The following PHF24 variants were observed in gnomAD, a reference collection of about 807,000 sequenced individuals.
PHF24 encodes Galpha inhibitory interacting protein.
In PHF24, 25 loss-of-function variants were observed where a neutral mutation model predicts 42.6. The ratio of observed to expected loss-of-function variants is 0.59; its 90% CI spans 0.43 to 0.82. PHF24 has a LOEUF of 0.82. Among genes scored for constraint, PHF24 ranks in the 40% least tolerant of loss-of-function variants. The pLI, the probability that PHF24 is intolerant of heterozygous loss-of-function variation, is 0.00. For missense variants in PHF24, 470 were observed against 538.1 expected (o/e 0.87, Z 1.25); for synonymous variants, 185 against 204.8 (o/e 0.90, Z 0.83).
At chr9:34,733,205 C>T in the PHF24 span, among the ~76,000 whole-genome samples, 10 of 152,180 alleles carry the variant, frequency 6.6e-5, 1 homozygote, top group East Asian at 7.7e-4. Flanking sequence ...TGATCTTTGT[C>T]GATATGAGAA....
the PHF24 span, among the ~76,000 whole-genome samples, chr9:34,669,696 A>C: frequency 1.3e-5 from 2 of 152,036 alleles, no homozygotes; most frequent in African/African-American, 4.8e-5. Context: ...TTCATTTTCT[A>C]CGTTCAGAAA....
the PHF24 span, chr9:34,892,591 G>C: frequency 4.5e-6 from 2 of 447,192 alleles, no homozygotes; most frequent in Non-Finnish European, 7.9e-6. Context: ...GTCATAGGCT[G>C]TTGTTGTAGG....
the PHF24 span, chr9:34,835,731 A>G: frequency 2.6e-6 from 4 of 1,551,102 alleles, no homozygotes; most frequent in Non-Finnish European, 3.5e-6. Flanking sequence ...TGCCATCTGC[A>G]TACGTTGACT....
the PHF24 span, among the ~76,000 whole-genome samples, chr9:34,794,848 T>C: frequency 6.6e-6 from 1 of 152,106 alleles, no homozygotes; most frequent in Non-Finnish European, 1.5e-5. Context: ...CCAAAATGTC[T>C]AACATGCATA....
At chr9:34,929,677 T>C in the PHF24 span, among the ~76,000 whole-genome samples, 1 of 152,230 alleles carries the variant, frequency 6.6e-6, no homozygotes, top group Non-Finnish European at 1.5e-5. Flanking sequence ...AGCAGCAATC[T>C]GTATTGTCGC....
the PHF24 span, among the ~76,000 whole-genome samples, chr9:34,666,488 T>C: frequency 6.6e-6 from 1 of 151,718 alleles, no homozygotes; most frequent in South Asian, 2.1e-4. Context: ...TGGCCTCGGC[T>C]AAGTCACTGA....
At chr9:34,747,841 A>G in the PHF24 span, among the ~76,000 whole-genome samples, 1 of 152,332 alleles carries the variant, frequency 6.6e-6, no homozygotes, top group South Asian at 2.1e-4. Flanking sequence ...CAAAAGACAT[A>G]TATTTGAAAG....
chr9:34,784,431 A>C, the PHF24 span, among the ~76,000 whole-genome samples: 1 of 152,194 alleles, frequency 6.6e-6, no homozygotes, highest in Non-Finnish European at 1.5e-5. Flanking sequence ...TCTTGTAAGG[A>C]GTGAAGGAAA....
At chr9:34,688,319 A>G in the PHF24 span, among the ~76,000 whole-genome samples, 4 of 152,158 alleles carry the variant, frequency 2.6e-5, no homozygotes, top group Admixed American at 6.5e-5. Context: ...AGGCCCTTAG[A>G]GAACACTGTC....
the PHF24 span, chr9:34,727,884 T>A: frequency 6.7e-6 from 5 of 750,394 alleles, no homozygotes; most frequent in Non-Finnish European, 8.4e-6. Flanking sequence ...GGCAACCCTC[T>A]CACCCAGTGT....
At chr9:34,745,975 G>A in the PHF24 span, among the ~76,000 whole-genome samples, 3 of 152,088 alleles carry the variant, frequency 2.0e-5, no homozygotes, top group African/African-American at 7.2e-5. Flanking sequence ...GAGGAATTAT[G>A]GGGTCAAGAT....
the PHF24 span, among the ~76,000 whole-genome samples, chr9:34,881,742 TCCAGGA>T: frequency 4.6e-5 from 7 of 151,980 alleles, no homozygotes; most frequent in African/African-American, 1.7e-4. Flanking sequence ...CAAAAAAAAG[TCCAGGA>T]CCAGATGGAT....
the PHF24 span, among the ~76,000 whole-genome samples, chr9:34,692,025 T>C: frequency 6.6e-6 from 1 of 152,136 alleles, no homozygotes; most frequent in Non-Finnish European, 1.5e-5. Context: ...CCAGCTCATA[T>C]TCAGACAAAT....
the PHF24 span, among the ~76,000 whole-genome samples, chr9:34,744,815 T>TA: frequency 6.6e-6 from 1 of 151,894 alleles, no homozygotes; most frequent in African/African-American, 2.4e-5. Context: ...TAATCTTTAA[T>TA]ACGGAAACAT....
At chr9:34,880,633 G>T in the PHF24 span, among the ~76,000 whole-genome samples, 1 of 152,134 alleles carries the variant, frequency 6.6e-6, no homozygotes, top group South Asian at 2.1e-4. Flanking sequence ...ATGGTAAAGA[G>T]ATCAGTTCAA....
At chr9:34,753,452 A>G in the PHF24 span, among the ~76,000 whole-genome samples, 3 of 152,220 alleles carry the variant, frequency 2.0e-5, no homozygotes, top group South Asian at 2.1e-4. Flanking sequence ...AAAGATCTCT[A>G]TGATAAAAAT....
At chr9:34,801,227 A>G in the PHF24 span, among the ~76,000 whole-genome samples, 1 of 152,176 alleles carries the variant, frequency 6.6e-6, no homozygotes, top group African/African-American at 2.4e-5. Context: ...CCATTGTGGA[A>G]GACAGTGTGG....
the PHF24 span, among the ~76,000 whole-genome samples, chr9:34,698,543 G>A: frequency 1.7e-4 from 26 of 152,164 alleles, no homozygotes; most frequent in Non-Finnish European, 3.1e-4. Flanking sequence ...GTTTGCCAAG[G>A]CTGGAGTGCA....
At chr9:34,955,900 G>C (rs1826360541), upstream of PHF24, among the ~76,000 whole-genome samples, 1 of 152,114 alleles carries the variant, frequency 6.6e-6, no homozygotes, top group African/African-American at 2.4e-5. Flanking sequence ...CAATAACGTA[G>C]TAAAAGCTGT....
Sources: allele counts gnomAD v4.1 joint callset (sites outside exome capture counted in the v4.1 genomes callset), GRCh38; gene constraint gnomAD v4.1.1; transcripts MANE v1.5; gene names NCBI Gene and HGNC (gene_info 2026-07-23, HGNC 2026-07-21).